Variants in CCSER1 observed in about 807,000 individuals in gnomAD.
CCSER1 encodes coiled-coil serine rich protein 1.
CCSER1 carries 41 observed loss-of-function variants against 82.0 expected under a neutral mutation model. The observed-to-expected ratio is 0.50, with a 90% CI of 0.39 to 0.65. The LOEUF (loss-of-function observed/expected upper bound fraction) is 0.65, where lower values mean the gene tolerates loss of function less well. Among genes scored for constraint, CCSER1 ranks in the 30% least tolerant of loss-of-function variants. The probability of loss-of-function intolerance (pLI) is 0.00; values close to 1 mark genes in which losing one functional copy is unlikely to be tolerated. For synonymous variants in CCSER1, 414 were observed against 383.9 expected (o/e 1.08, Z -0.92); for missense variants, 1,119 against 1,064.2 (o/e 1.05, Z -0.72).
chr4:90,186,117 C>G (rs1257484875), intron 1 of CCSER1, among the ~76,000 whole-genome samples: 8 of 151,924 alleles, frequency 5.3e-5, no homozygotes, highest in Admixed American at 5.3e-4. Context: ...TCTTGATCAC[C>G]AAGAAATAAT....
intron 5 of CCSER1, among the ~76,000 whole-genome samples, chr4:90,524,276 C>G (rs1020477819): frequency 6.6e-6 from 1 of 152,174 alleles, no homozygotes; most frequent in African/African-American, 2.4e-5. Flanking sequence ...AGGAAAACTT[C>G]AGGCCTTTTT....
At chr4:90,139,459 A>T (rs527273629) in intron 1 of CCSER1, among the ~76,000 whole-genome samples, 1 of 152,146 alleles carries the variant, frequency 6.6e-6, no homozygotes, top group Non-Finnish European at 1.5e-5. Context: ...TGAAGTATAT[A>T]TACTATCTAT....
At chr4:90,392,366 T>G (rs1751332271) in intron 3 of CCSER1, among the ~76,000 whole-genome samples, 1 of 152,092 alleles carries the variant, frequency 6.6e-6, no homozygotes, top group Non-Finnish European at 1.5e-5. Context: ...TCCATATAAA[T>G]ATTAGCTTTT....
intron 4 of CCSER1, among the ~76,000 whole-genome samples, chr4:90,442,215 A>G (rs560015923): frequency 6.6e-6 from 1 of 152,144 alleles, no homozygotes; most frequent in Non-Finnish European, 1.5e-5. Context: ...CTCAACAAAA[A>G]AATGAGACAT....
In CCSER1 at chr4:90,260,601, A is replaced by G. The variant is rs140777068; in HGVS notation, c.-41-47643A>G. On this transcript the variant is annotated intron_variant, in intron 1 of 10. Transcript: ENST00000509176. ...CCTACTTCTTCTGGTTTTCATTTACATGGAATATCTTTTTCTATCCCTTTG... is the reference window on the plus strand; with the variant it reads ...CCTACTTCTTCTGGTTTTCATTTACGTGGAATATCTTTTTCTATCCCTTTG... 3.9e-5 allele frequency among the ~76,000 whole-genome samples: 6 copies of G among 152,256 alleles called. No homozygotes were observed. In the South Asian group the frequency reaches 6.2e-4, roughly 16 times the overall value.
At chr4:91,485,076 A>G (rs1758144029) in intron 10 of CCSER1, among the ~76,000 whole-genome samples, 1 of 152,160 alleles carries the variant, frequency 6.6e-6, no homozygotes, top group South Asian at 2.1e-4. Context: ...TTTCTCAGCT[A>G]AAAGTCAATG....
intron 1 of CCSER1, among the ~76,000 whole-genome samples, chr4:90,206,555 C>A (rs1578487294): frequency 6.6e-6 from 1 of 151,950 alleles, no homozygotes; most frequent in East Asian, 1.9e-4. Context: ...GCACTGTGGT[C>A]TGACAGACTG....
chr4:90,461,280 G>T (rs1466797910), intron 4 of CCSER1, among the ~76,000 whole-genome samples: 1 of 144,352 alleles, frequency 6.9e-6, no homozygotes, highest in Non-Finnish European at 1.5e-5. Context: ...TTTTAGCCGG[G>T]ATGGTCTCGA....
At chr4:91,127,918 C>T (rs928498927) in intron 10 of CCSER1, among the ~76,000 whole-genome samples, 1 of 151,536 alleles carries the variant, frequency 6.6e-6, no homozygotes, top group Admixed American at 6.6e-5. Context: ...GTCACATTAG[C>T]ATACATGCTC....
intron 10 of CCSER1, among the ~76,000 whole-genome samples, chr4:91,126,725 G>T (rs900360528): frequency 2.0e-5 from 3 of 151,962 alleles, no homozygotes; most frequent in Admixed American, 6.6e-5. Context: ...TTGAAGAAAA[G>T]CTTAGTCAAT....
intron 10 of CCSER1, among the ~76,000 whole-genome samples, chr4:91,475,291 G>T (rs1757527817): frequency 6.6e-6 from 1 of 151,836 alleles, no homozygotes; most frequent in Non-Finnish European, 1.5e-5. Context: ...AATAGATACA[G>T]TAAAATAGAT....
intron 9 of CCSER1, among the ~76,000 whole-genome samples, chr4:91,082,015 T>G (rs1722817515): frequency 6.6e-6 from 1 of 152,080 alleles, no homozygotes; most frequent in African/African-American, 2.4e-5. Flanking sequence ...TTCAATGCCA[T>G]CCCCATCAAG....
chr4:90,823,148 CT>C lies in CCSER1; in HGVS notation c.2094+7306del, dbSNP rs199614388. 8.6e-3 allele frequency among the ~76,000 whole-genome samples: 1,305 copies of C among 152,144 alleles called. 20 individuals carry two copies. Among genetic ancestry groups the C allele is most frequent in the African/African-American group, 0.03 (1,252 of 41,538 alleles). On this transcript the variant is annotated intron_variant, in intron 8 of 10. Coordinates refer to ENST00000509176, the MANE Select transcript of CCSER1 (RefSeq NM_001145065.2). ...TAAAACATGTCGGTAATGAGAGACT[CT>C]TTCCTAAGAAGATTTTTTTGTGGGT...
intron 10 of CCSER1, among the ~76,000 whole-genome samples, chr4:91,534,925 T>C (rs1444870128): frequency 1.3e-5 from 2 of 151,844 alleles, no homozygotes. Context: ...TTTGTCCATA[T>C]AGATCAATAC....
chr4:91,560,917 G>A (rs928908571), intron 10 of CCSER1, among the ~76,000 whole-genome samples: 1 of 151,310 alleles, frequency 6.6e-6, no homozygotes, highest in Non-Finnish European at 1.5e-5. Context: ...TAGATACAGA[G>A]CTAGTGCTTA....
intron 10 of CCSER1, among the ~76,000 whole-genome samples, chr4:91,118,223 C>A (rs1726794627): frequency 6.7e-6 from 1 of 150,094 alleles, no homozygotes; most frequent in Non-Finnish European, 1.5e-5. Flanking sequence ...TAATCTAACT[C>A]TTTTTCACCT....
Position 90,715,501 on chromosome 4 carries a change from T to A in CCSER1, c.1933-8413T>A, listed in dbSNP as rs564160008. 4.6e-5 allele frequency among the ~76,000 whole-genome samples: 7 copies of A among 152,146 alleles called. No individual in the cohort carries two copies. The South Asian group carries it at 1.4e-3, about 31-fold the overall frequency. On this transcript the variant is annotated intron_variant, in intron 6 of 10. Transcript: ENST00000509176. ...TAGTAATTGGAATTGTATCACAAGATCAGAGTAGAGCTAAGAGCAAAGCTA... is the reference window on the plus strand; with the variant it reads ...TAGTAATTGGAATTGTATCACAAGAACAGAGTAGAGCTAAGAGCAAAGCTA...
intron 1 of CCSER1, among the ~76,000 whole-genome samples, chr4:90,219,913 ATAT>A (rs946685060): frequency 2.6e-5 from 4 of 152,292 alleles, no homozygotes; most frequent in African/African-American, 7.2e-5. Flanking sequence ...GATAAGTAAA[ATAT>A]TATTAAGAAC....
chr4:91,321,351 C>A (rs992379820), intron 10 of CCSER1, among the ~76,000 whole-genome samples: 1 of 151,982 alleles, frequency 6.6e-6, no homozygotes, highest in African/African-American at 2.4e-5. Context: ...ATAGCTTGAG[C>A]GGCCAAAATT....
Sources: allele counts gnomAD v4.1 joint callset (sites outside exome capture counted in the v4.1 genomes callset), GRCh38; gene constraint gnomAD v4.1.1; transcripts MANE v1.5; gene names NCBI Gene and HGNC (gene_info 2026-07-23, HGNC 2026-07-21).